CCDC146: variants seen among roughly 807,000 people sequenced by gnomAD.
The protein encoded by CCDC146 is coiled-coil domain-containing protein 146.
Under a neutral mutation model 119.3 loss-of-function variants are expected in CCDC146, and 92 were observed. The ratio of observed to expected loss-of-function variants is 0.77; its 90% CI spans 0.65 to 0.92. The LOEUF (loss-of-function observed/expected upper bound fraction) is 0.92, where lower values mean the gene tolerates loss of function less well. CCDC146 is among the 40% of genes least tolerant of loss of function. The pLI, the probability that CCDC146 is intolerant of heterozygous loss-of-function variation, is 0.00. For synonymous variants in CCDC146, 372 were observed against 371.8 expected (o/e 1.00, Z -0.01); for missense variants, 1,000 against 1,103.0 (o/e 0.91, Z 1.32).
chr7:77,182,404 C>T (rs1379431123), intron 2 of CCDC146, among the ~76,000 whole-genome samples: 2 of 152,124 alleles, frequency 1.3e-5, no homozygotes, highest in Admixed American at 6.5e-5. Context: ...TACTTCACTG[C>T]CTACCATGAT....
intron 2 of CCDC146, among the ~76,000 whole-genome samples, chr7:77,207,946 A>C (rs1489995438): frequency 1.3e-5 from 2 of 152,156 alleles, no homozygotes; most frequent in Admixed American, 6.5e-5. Context: ...TTCAACAAAC[A>C]CTTACTTTGC....
intron 11 of CCDC146, among the ~76,000 whole-genome samples, chr7:77,275,633 T>C (rs1312214754): frequency 1.3e-5 from 2 of 152,120 alleles, no homozygotes; most frequent in African/African-American, 4.8e-5. Context: ...TAGCATTAGG[T>C]AACTGTCCCT....
Position 77,280,559 on chromosome 7 carries a change from A to G in CCDC146, c.1825A>G (p.Ile609Val), listed in dbSNP as rs370035969. 2.5e-5 allele frequency: 40 copies of G among 1,614,092 alleles called. No homozygotes were observed. The highest frequency in any genetic ancestry group is 3.2e-5 in the Non-Finnish European group (38 of 1,180,042). Residue 609 changes from isoleucine (I) to valine (V), a missense_variant, in exon 14 of 19, where the codon ATT becomes GTT. Around this residue, in one of 2 missense-constraint regions of CCDC146, gnomAD observed 985 missense variants for 1,045.3 expected, o/e 0.94. Coordinates refer to ENST00000285871, the MANE Select transcript of CCDC146 (RefSeq NM_020879.3). ...AAAGAAGGAAGCCCAGTTAAATAAC[A>G]TTGACAGACTTGCCAACACGATCAC... Reference protein sequence around the residue: ...KEKKEAQLNNIDRLANTITMI... With the variant: ...KEKKEAQLNNVDRLANTITMI...
intron 2 of CCDC146, among the ~76,000 whole-genome samples, chr7:77,172,331 TTTG>T (rs1189096082): frequency 1.3e-5 from 2 of 152,248 alleles, no homozygotes; most frequent in Non-Finnish European, 2.9e-5. Context: ...TTTAACCTAC[TTTG>T]TCTTCCTTCA....
chr7:77,131,786 C>A (rs574711425), intron 1 of CCDC146, among the ~76,000 whole-genome samples: 54 of 152,218 alleles, frequency 3.5e-4, no homozygotes, highest in African/African-American at 1.2e-3. Flanking sequence ...AGAAGCTATA[C>A]TCGAAAGATT....
chr7:77,211,656 C>T (rs979821808), intron 2 of CCDC146, among the ~76,000 whole-genome samples: 2 of 151,928 alleles, frequency 1.3e-5, no homozygotes, highest in Non-Finnish European at 2.9e-5. Flanking sequence ...CACTCTGTCA[C>T]CCAGGCTGGA....
intron 17 of CCDC146, among the ~76,000 whole-genome samples, chr7:77,290,923 G>A (rs1021539452): frequency 7.2e-5 from 11 of 152,204 alleles, no homozygotes; most frequent in African/African-American, 2.7e-4. Flanking sequence ...GTATTTGGAA[G>A]CTCATTTGCA....
At chr7:77,279,932 C>T (rs1197184416) in intron 13 of CCDC146, among the ~76,000 whole-genome samples, 1 of 152,148 alleles carries the variant, frequency 6.6e-6, no homozygotes, top group Admixed American at 6.5e-5. Context: ...AAAGTGGCCT[C>T]ATTTCAGGGG....
intron 2 of CCDC146, among the ~76,000 whole-genome samples, chr7:77,211,308 T>C (rs1792177601): frequency 6.6e-6 from 1 of 152,218 alleles, no homozygotes; most frequent in African/African-American, 2.4e-5. Context: ...TTAAACTTGA[T>C]GTAAATAGAA....
intron 2 of CCDC146, among the ~76,000 whole-genome samples, chr7:77,225,172 G>A (rs755085703): frequency 6.6e-6 from 1 of 152,178 alleles, no homozygotes; most frequent in African/African-American, 2.4e-5. Context: ...TATGTACATT[G>A]ATTCATTTTT....
intron 1 of CCDC146, among the ~76,000 whole-genome samples, chr7:77,162,104 T>A (rs547297760): frequency 9.2e-5 from 14 of 152,344 alleles, no homozygotes; most frequent in Non-Finnish European, 1.6e-4. Flanking sequence ...TAGGTTGCCT[T>A]TTCATTTTGT....
chr7:77,245,605 C>G (rs1792934705), intron 4 of CCDC146, among the ~76,000 whole-genome samples: 1 of 152,156 alleles, frequency 6.6e-6, no homozygotes, highest in African/African-American at 2.4e-5. Flanking sequence ...TGACCCTGAC[C>G]TTGGTGACTG....
chr7:77,278,435 A>ATTT (rs140968354), intron 11 of CCDC146, among the ~76,000 whole-genome samples: 1,947 of 103,066 alleles, frequency 0.019, 60 homozygotes, highest in African/African-American at 0.07. Context: ...CCAAGAAATA[A>ATTT]TTTTTTTTTT....
intron 1 of CCDC146, among the ~76,000 whole-genome samples, chr7:77,152,508 A>G (rs1057347410): frequency 3.3e-5 from 5 of 152,190 alleles, no homozygotes; most frequent in African/African-American, 1.2e-4. Flanking sequence ...CTTATTATCT[A>G]AAGTGGTTCT....
intron 2 of CCDC146, among the ~76,000 whole-genome samples, chr7:77,197,441 A>G (rs1286267677): frequency 6.6e-6 from 1 of 152,226 alleles, no homozygotes; most frequent in Non-Finnish European, 1.5e-5. Flanking sequence ...CTGAGCTTTA[A>G]GTGGCAGAGC....
Position 77,260,084 on chromosome 7 carries a change from C to T in CCDC146, c.834C>T (p.Asn278=), listed in dbSNP as rs981494559. The T allele has an allele frequency of 1.9e-6, 3 of 1,611,762 alleles. No individual in the cohort carries two copies. In the African/African-American group the frequency reaches 4.0e-5, roughly 22 times the overall value. Residue 278 remains asparagine, a synonymous_variant, in exon 8 of 19, where the codon AAC becomes AAT. Coordinates refer to ENST00000285871, the MANE Select transcript of CCDC146 (RefSeq NM_020879.3). Reference sequence around the variant, plus strand: ...ATGACTCCCTAAAGAAAGTTGAAAACAAGGTTAGTGCTATAGTGGATGAGA... The same window carrying T: ...ATGACTCCCTAAAGAAAGTTGAAAATAAGGTTAGTGCTATAGTGGATGAGA... The part of the protein sequence containing the change: ...TLNDSLKKVE[N]KVSAIVDEKE...
At chr7:77,282,495 A>C in intron 14 of CCDC146, 62 bp from the exon 15 acceptor site, 1 of 1,121,488 alleles carries the variant, frequency 8.9e-7, no homozygotes, top group African/African-American at 1.6e-5. Flanking sequence ...AGGGAACCAC[A>C]ATGACTAGTA....
chr7:77,149,540 T>A lies in CCDC146; in HGVS notation c.-11-18118T>A, dbSNP rs3972414. The stretch of plus-strand genomic sequence containing the variant: ...CAGCACTTTGGGAAGCTGAGGTGGG[T>A]GGATAACTTGAGGTCAGAAGTTCCA... On this transcript the variant is annotated intron_variant, in intron 1 of 18. Coordinates refer to ENST00000285871, the MANE Select transcript of CCDC146 (RefSeq NM_020879.3). Among the ~76,000 whole-genome samples, 428 of 152,004 alleles carry A rather than the reference T, an allele frequency of 2.8e-3. 2 individuals carry two copies. Among genetic ancestry groups the A allele is most frequent in the African/African-American group, 1.0e-2 (414 of 41,458 alleles).
In CCDC146 at chr7:77,170,847, A is replaced by G. The variant is rs541942598; in HGVS notation, c.156+3023A>G. Among the ~76,000 whole-genome samples, 229 of 152,346 alleles carry G rather than the reference A, an allele frequency of 1.5e-3. 1 individual carries two copies. Among genetic ancestry groups the G allele is most frequent in the African/African-American group, 5.4e-3 (224 of 41,576 alleles). Reference sequence around the variant, plus strand: ...GCATCACTAATTATCAGAGAAATACAAGTCAAAACCACAATGAGATATTAT... The same window carrying G: ...GCATCACTAATTATCAGAGAAATACGAGTCAAAACCACAATGAGATATTAT... On this transcript the variant is annotated intron_variant, in intron 2 of 18. Transcript: ENST00000285871.
Sources: gnomAD v4.1 joint callset for allele counts (sites outside exome capture counted in the v4.1 genomes callset) on GRCh38, gnomAD v4.1.1 for gene constraint, gnomAD v4.1.1 regional missense constraint, MANE v1.5 for transcripts, NCBI Gene and HGNC (gene_info 2026-07-23, HGNC 2026-07-21) for gene names.